The following IGSF21 variants were observed in gnomAD, a reference collection of about 807,000 sequenced individuals.
IGSF21 encodes the protein immunoglobulin superfamily member 21.
IGSF21 carries 28 observed loss-of-function variants against 46.8 expected under a neutral mutation model. The observed-to-expected ratio is 0.60, with a 90% CI of 0.44 to 0.82. IGSF21 has a LOEUF of 0.82. Among genes scored for constraint, IGSF21 ranks in the 40% least tolerant of loss-of-function variants. The probability of loss-of-function intolerance (pLI) is 0.00; values close to 1 mark genes in which losing one functional copy is unlikely to be tolerated. For synonymous variants in IGSF21, 284 were observed against 273.6 expected, an observed-to-expected ratio of 1.04 and a Z score of -0.38; for missense variants, 624 against 665.5, an observed-to-expected ratio of 0.94 and a Z score of 0.69.
At chr1:18,220,258 C>T (rs2084496706) in intron 1 of IGSF21, among the ~76,000 whole-genome samples, 1 of 152,184 alleles carries the variant, frequency 6.6e-6, no homozygotes, top group Non-Finnish European at 1.5e-5. Context: ...CCACTCACCA[C>T]TCAGTGCTGA....
At chr1:18,153,314 C>T (rs999640519) in intron 1 of IGSF21, among the ~76,000 whole-genome samples, 5 of 152,232 alleles carry the variant, frequency 3.3e-5, no homozygotes, top group African/African-American at 4.8e-5. Context: ...CATCCACACA[C>T]GGCCCTAATG....
intron 4 of IGSF21, 45 bp from the exon 5 acceptor site, chr1:18,362,070 T>G (rs1329469381): frequency 7.3e-7 from 1 of 1,361,602 alleles, no homozygotes; most frequent in African/African-American, 1.4e-5. Flanking sequence ...TCTTCCTGAA[T>G]CTCCCAGTTG....
At chr1:18,240,303 A>G (rs1431781746) in intron 2 of IGSF21, among the ~76,000 whole-genome samples, 1 of 152,218 alleles carries the variant, frequency 6.6e-6, no homozygotes, top group Non-Finnish European at 1.5e-5. Flanking sequence ...AAAGAAACCC[A>G]AAACAAATAC....
intron 1 of IGSF21, among the ~76,000 whole-genome samples, chr1:18,134,930 T>G (rs1345658098): frequency 6.6e-6 from 1 of 152,180 alleles, no homozygotes; most frequent in African/African-American, 2.4e-5. Flanking sequence ...AGCAACAGAT[T>G]TTTCTGGAGG....
intron 1 of IGSF21, among the ~76,000 whole-genome samples, chr1:18,157,611 C>T (rs1310874124): frequency 1.3e-5 from 2 of 152,234 alleles, no homozygotes; most frequent in African/African-American, 2.4e-5. Flanking sequence ...CGGTCTGGTA[C>T]ACACGTTAAG....
intron 3 of IGSF21, among the ~76,000 whole-genome samples, chr1:18,301,290 G>A (rs533830863): frequency 6.6e-6 from 1 of 152,040 alleles, no homozygotes; most frequent in Non-Finnish European, 1.5e-5. Flanking sequence ...ATGGAGCATG[G>A]TGAGCAGGTC....
Position 18,180,544 on chromosome 1 carries a change from G to C in IGSF21, c.71-47354G>C, listed in dbSNP as rs143383384. On this transcript the variant is annotated intron_variant, in intron 1 of 9. Transcript: ENST00000251296. ...AAGTGTAGACAGGTCCAAGGTTTGA[G>C]CAAAAAAGTGGTTTGGAAGGCGCAG... is the stretch of plus-strand genomic sequence containing the variant. Among the ~76,000 whole-genome samples the C allele has an allele frequency of 7.0e-3, 1,060 of 152,262 alleles. 11 individuals are homozygous for C. The highest frequency in any genetic ancestry group is 0.023 in the African/African-American group (960 of 41,548).
chr1:18,119,582 C>T (rs1450902479), intron 1 of IGSF21, among the ~76,000 whole-genome samples: 4 of 152,200 alleles, frequency 2.6e-5, no homozygotes, highest in African/African-American at 4.8e-5. Context: ...AAGGGGGTGG[C>T]TTTCTCTTTT....
intron 2 of IGSF21, among the ~76,000 whole-genome samples, chr1:18,249,777 C>T (rs1569629679): frequency 1.3e-5 from 2 of 152,298 alleles, no homozygotes; most frequent in South Asian, 4.1e-4. Context: ...CCTCTACTGG[C>T]CCACAGTTGT....
intron 1 of IGSF21, among the ~76,000 whole-genome samples, chr1:18,126,207 T>G (rs2086273334): frequency 8.4e-6 from 1 of 119,038 alleles, no homozygotes; most frequent in Non-Finnish European, 1.9e-5. Context: ...CCAATCAAGC[T>G]GAGAGCTCGC....
chr1:18,338,375 G>T (rs1021764541), intron 4 of IGSF21, among the ~76,000 whole-genome samples: 1 of 152,114 alleles, frequency 6.6e-6, no homozygotes, highest in Non-Finnish European at 1.5e-5. Flanking sequence ...CTCTTCAAAC[G>T]AGCAGAGGTC....
intron 6 of IGSF21, among the ~76,000 whole-genome samples, chr1:18,370,812 C>T (rs1261445164): frequency 6.6e-6 from 1 of 152,030 alleles, no homozygotes; most frequent in African/African-American, 2.4e-5. Flanking sequence ...GGCTAATAAA[C>T]ATGTAAAAAC....
chr1:18,188,815 G>C (rs541682370), intron 1 of IGSF21, among the ~76,000 whole-genome samples: 2 of 152,222 alleles, frequency 1.3e-5, no homozygotes, highest in African/African-American at 4.8e-5. Context: ...ATAGCCAGAC[G>C]TGTCAGAGCT....
chr1:18,355,080 G>T (rs1198173536), intron 4 of IGSF21, among the ~76,000 whole-genome samples: 2 of 152,214 alleles, frequency 1.3e-5, no homozygotes, highest in Non-Finnish European at 2.9e-5. Flanking sequence ...ATGGGATGTT[G>T]GGAGCAGAGC....
chr1:18,200,900 T>G (rs2087066543), intron 1 of IGSF21, among the ~76,000 whole-genome samples: 1 of 152,148 alleles, frequency 6.6e-6, no homozygotes, highest in South Asian at 2.1e-4. Context: ...GGAGGGATAA[T>G]GAGGAGGGGT....
At chr1:18,265,263 A>G (rs910463270) in intron 2 of IGSF21, among the ~76,000 whole-genome samples, 1 of 152,110 alleles carries the variant, frequency 6.6e-6, no homozygotes, top group African/African-American at 2.4e-5. Flanking sequence ...TTACACAGTG[A>G]TTCTTTGGAC....
At chr1:18,265,224 G>A (rs572708990) in intron 2 of IGSF21, among the ~76,000 whole-genome samples, 37 of 152,234 alleles carry the variant, frequency 2.4e-4, no homozygotes, top group Middle Eastern at 6.8e-3. Context: ...ATCCAAATGC[G>A]TCACTGCAGA....
Position 18,365,199 on chromosome 1 carries a change from C to G in IGSF21, c.541-24C>G, listed in dbSNP as rs764245560. Reference sequence around the variant, plus strand: ...GAAGTTAGTAGCACAAAATCATTTTCCCACACCCTCCTTACAATGGCAGGT... The same window carrying G: ...GAAGTTAGTAGCACAAAATCATTTTGCCACACCCTCCTTACAATGGCAGGT... On this transcript the variant is annotated intron_variant, in intron 5 of 9. Transcript: ENST00000251296. The surrounding 1 kb of genome is among the most constrained non-coding windows in gnomAD (Gnocchi z 4.8). 6.4e-6 allele frequency: 10 copies of G among 1,557,408 alleles called. No homozygotes were observed. The highest frequency in any genetic ancestry group is 5.4e-5 in the African/African-American group (4 of 73,572).
In IGSF21 at chr1:18,148,003, G is replaced by A. The variant is rs539239594; in HGVS notation, c.70+39805G>A. On this transcript the variant is annotated intron_variant, in intron 1 of 9. Coordinates refer to ENST00000251296, the MANE Select transcript of IGSF21 (RefSeq NM_032880.5). ...CTGCAGAAGTTTTCTCTTGCCTGCC[G>A]CCATGTAAGACATCTCTTTGCTCTT... Among the ~76,000 whole-genome samples the A allele has an allele frequency of 5.9e-5, 9 of 152,142 alleles. No individual in the cohort carries two copies. In the South Asian group the frequency reaches 8.3e-4, roughly 14 times the overall value.
Sources: allele counts gnomAD v4.1 joint callset (sites outside exome capture counted in the v4.1 genomes callset), GRCh38; gene constraint gnomAD v4.1.1; non-coding constraint Gnocchi (gnomAD v3.1); transcripts MANE v1.5; gene names NCBI Gene and HGNC (gene_info 2026-07-23, HGNC 2026-07-21).